The following HIVEP3 variants were observed in gnomAD, a reference collection of about 807,000 sequenced individuals.
HIVEP3 encodes the protein transcription factor HIVEP3.
Under a neutral mutation model 152.8 loss-of-function variants are expected in HIVEP3, and 49 were observed. That is an observed-to-expected ratio of 0.32 (90% CI 0.26 to 0.41). HIVEP3 has a LOEUF of 0.41. Ranked by LOEUF, HIVEP3 falls within the 10% of genes least tolerant of loss-of-function variation. HIVEP3 has a pLI of 1.00. For missense variants in HIVEP3, 2,790 were observed against 3,103.3 expected (o/e 0.90, Z 2.40); for synonymous variants, 1,269 against 1,289.0 (o/e 0.98, Z 0.33).
At chr1:41,881,363 G>T (rs1449124896) in intron 1 of HIVEP3, among the ~76,000 whole-genome samples, 1 of 152,168 alleles carries the variant, frequency 6.6e-6, no homozygotes, top group Non-Finnish European at 1.5e-5. Context: ...GGGGCAAGTT[G>T]CCATAATTTG....
At chr1:41,597,062 C>T (rs1232692637) in intron 3 of HIVEP3, among the ~76,000 whole-genome samples, 1 of 152,092 alleles carries the variant, frequency 6.6e-6, no homozygotes, top group Non-Finnish European at 1.5e-5. Context: ...TCTCTGTGTT[C>T]CTACTTTTCC....
At chr1:41,679,056 T>C (rs1043253591) in intron 2 of HIVEP3, among the ~76,000 whole-genome samples, 1 of 152,182 alleles carries the variant, frequency 6.6e-6, no homozygotes, top group Admixed American at 6.5e-5. Context: ...CCACAAGGGA[T>C]ACATCTCAAG....
intron 2 of HIVEP3, among the ~76,000 whole-genome samples, chr1:41,673,568 T>C (rs1255371159): frequency 6.6e-6 from 1 of 152,176 alleles, no homozygotes; most frequent in Non-Finnish European, 1.5e-5. Flanking sequence ...TTCTCCTCAC[T>C]GTATCTCACT....
At chr1:41,588,724 C>A (rs532808373) in intron 3 of HIVEP3, among the ~76,000 whole-genome samples, 18 of 152,154 alleles carry the variant, frequency 1.2e-4, no homozygotes, top group Non-Finnish European at 2.6e-4. Context: ...GCTGCCAGGG[C>A]GCAGAGTGAG....
chr1:41,541,305 A>G (rs1231013598), intron 5 of HIVEP3, among the ~76,000 whole-genome samples: 1 of 152,166 alleles, frequency 6.6e-6, no homozygotes, highest in Non-Finnish European at 1.5e-5. Context: ...AATCCACTCT[A>G]TGGAAATGTG....
At chr1:42,014,697 C>T (rs977359931) in intron 1 of HIVEP3, among the ~76,000 whole-genome samples, 5 of 152,102 alleles carry the variant, frequency 3.3e-5, no homozygotes, top group African/African-American at 1.2e-4. Flanking sequence ...TGAGTGATAT[C>T]CAAAATTCAC....
intron 2 of HIVEP3, among the ~76,000 whole-genome samples, chr1:41,697,919 A>C (rs1410519920): frequency 6.6e-6 from 1 of 151,800 alleles, no homozygotes; most frequent in Non-Finnish European, 1.5e-5. Flanking sequence ...TCAAGCATAG[A>C]CTCTGGGGCC....
At chr1:41,658,593 G>A (rs928466579) in intron 2 of HIVEP3, among the ~76,000 whole-genome samples, 4 of 152,152 alleles carry the variant, frequency 2.6e-5, no homozygotes, top group African/African-American at 4.8e-5. Flanking sequence ...CATGAGCCTC[G>A]GGAGGCAGGT....
chr1:41,829,468 G>A (rs367825334), intron 1 of HIVEP3, among the ~76,000 whole-genome samples: 14 of 152,066 alleles, frequency 9.2e-5, no homozygotes, highest in East Asian at 3.9e-4. Flanking sequence ...CCAGACCAGC[G>A]GCCATTAGAC....
At chr1:41,763,404 C>A (rs973352822) in intron 1 of HIVEP3, among the ~76,000 whole-genome samples, 1 of 152,176 alleles carries the variant, frequency 6.6e-6, no homozygotes, top group African/African-American at 2.4e-5. Flanking sequence ...CAGCAGCAGC[C>A]ATCCAGGGAG....
At chr1:41,916,661 C>T (rs1224050576) in intron 1 of HIVEP3, among the ~76,000 whole-genome samples, 1 of 152,184 alleles carries the variant, frequency 6.6e-6, no homozygotes, top group African/African-American at 2.4e-5. Flanking sequence ...CTTTAAAGAG[C>T]ATATGTCAAA....
At chr1:41,973,781 G>A (rs610143) in intron 1 of HIVEP3, among the ~76,000 whole-genome samples, 8,834 of 152,270 alleles carry the variant, frequency 0.058, 895 homozygotes, top group African/African-American at 0.2. Context: ...CAAGGGCAGG[G>A]CAATCGGTAA....
rs539488962 is a variant in HIVEP3, at chr1:41,558,013, C to T, written c.5207+17531G>A. On this transcript the variant is annotated intron_variant, in intron 5 of 8. Transcript: ENST00000372583. ...TTACAGACGAACAAATGGAGCTACA[C>T]GGAGGTGGAGGAATGTGCCCAGCGA... 2.2e-3 allele frequency among the ~76,000 whole-genome samples: 330 copies of T among 152,278 alleles called. 1 individual carries two copies. Among genetic ancestry groups the T allele is most frequent in the South Asian group, 5.0e-3 (24 of 4,822 alleles).
In HIVEP3 at chr1:41,954,872, A is replaced by G. The variant is rs111297277; in HGVS notation, n.120-36348T>C. 4.8e-3 allele frequency among the ~76,000 whole-genome samples: 735 copies of G among 152,314 alleles called. 7 individuals carry two copies. The highest frequency in any genetic ancestry group is 0.017 in the African/African-American group (714 of 41,566). On this transcript the variant is annotated intron_variant and non_coding_transcript_variant, in intron 1 of 3. Coordinates refer to the HIVEP3 transcript ENST00000489103. Reference sequence around the variant, plus strand: ...GTGGTCAGGATTAAAGATAATGCACAGAAATGGTTCCACAAGCTTGGGACG... The same window carrying G: ...GTGGTCAGGATTAAAGATAATGCACGGAAATGGTTCCACAAGCTTGGGACG...
At chr1:41,998,472 T>C (rs1049536642) in intron 1 of HIVEP3, among the ~76,000 whole-genome samples, 5 of 152,214 alleles carry the variant, frequency 3.3e-5, no homozygotes, top group African/African-American at 4.8e-5. Context: ...TGCTAAATTT[T>C]ATATATTCTT....
At position 41,582,865 on chromosome 1, in the gene HIVEP3, A is replaced by G; in HGVS notation, c.1933T>C (p.Cys645Arg). The change falls in exon 4 of 9, where the codon TGT (cysteine) becomes CGT (arginine). Residue 645 changes from cysteine to arginine, a missense_variant. Transcript: ENST00000372583. The surrounding 1 kb of genome is among the most constrained non-coding windows in gnomAD (Gnocchi z 4.7). ...TTGTACCGAGCACCACATATGTTAC[A>G]TTCGTAGATCACCCCTTTTGTTTTC... ...GLKTKGVIYE[C>R]NICGARYKKR... 1 of 1,614,108 alleles carries G rather than the reference A, an allele frequency of 6.2e-7. No homozygotes were observed. Among genetic ancestry groups the G allele is most frequent in the Non-Finnish European group, 8.5e-7 (1 of 1,180,040 alleles).
intron 1 of HIVEP3, among the ~76,000 whole-genome samples, chr1:41,817,398 G>T (rs369277156): frequency 6.6e-6 from 1 of 152,166 alleles, no homozygotes; most frequent in African/African-American, 2.4e-5. Context: ...GGATGGGGCC[G>T]GATGGGGCAG....
intron 2 of HIVEP3, among the ~76,000 whole-genome samples, chr1:41,650,259 A>G (rs1036471516): frequency 6.6e-6 from 1 of 152,158 alleles, no homozygotes; most frequent in African/African-American, 2.4e-5. Flanking sequence ...CGGCCCCACA[A>G]GGGCAGACAC....
chr1:41,789,419 C>T (rs757686338), intron 1 of HIVEP3, among the ~76,000 whole-genome samples: 4 of 152,162 alleles, frequency 2.6e-5, no homozygotes, highest in Non-Finnish European at 5.9e-5. Context: ...TCATGAAAAC[C>T]AATTTTAGCA....
Sources: gnomAD v4.1 joint callset for allele counts (sites outside exome capture counted in the v4.1 genomes callset) on GRCh38, gnomAD v4.1.1 for gene constraint, Gnocchi (gnomAD v3.1) non-coding constraint, MANE v1.5 for transcripts, NCBI Gene and HGNC (gene_info 2026-07-23, HGNC 2026-07-21) for gene names.